DPYD: variants seen among roughly 807,000 people sequenced by gnomAD.
The protein encoded by DPYD is dihydropyrimidine dehydrogenase.
DPYD carries 109 observed loss-of-function variants against 116.2 expected under a neutral mutation model. That is an observed-to-expected ratio of 0.94 (90% CI 0.80 to 1.10). The LOEUF (loss-of-function observed/expected upper bound fraction) is 1.10, where lower values mean the gene tolerates loss of function less well. DPYD is among the 50% of genes least tolerant of loss of function. The pLI, the probability that DPYD is intolerant of heterozygous loss-of-function variation, is 0.00. For missense variants in DPYD, 1,302 were observed against 1,254.5 expected, an observed-to-expected ratio of 1.04 and a Z score of -0.57; for synonymous variants, 440 against 432.0, an observed-to-expected ratio of 1.02 and a Z score of -0.23.
intron 14 of DPYD, among the ~76,000 whole-genome samples, chr1:97,402,348 C>T (rs1337467299): frequency 1.3e-5 from 2 of 152,058 alleles, no homozygotes; most frequent in Non-Finnish European, 2.9e-5. Flanking sequence ...TTTTGATAGA[C>T]TTACACCTAA....
chr1:97,381,434 T>G (rs1327852366), intron 15 of DPYD, among the ~76,000 whole-genome samples: 1 of 152,194 alleles, frequency 6.6e-6, no homozygotes, highest in East Asian at 1.9e-4. Flanking sequence ...GCAAAGCTCA[T>G]GCCAAGCATG....
intron 14 of DPYD, among the ~76,000 whole-genome samples, chr1:97,385,141 C>T (rs1112314): frequency 0.19 from 29,098 of 151,524 alleles, 2,965 homozygotes; most frequent in South Asian, 0.37. Flanking sequence ...AGATGCTTTC[C>T]GCCCTTTCCA....
At chr1:97,738,765 A>G (rs1664100257) in intron 4 of DPYD, among the ~76,000 whole-genome samples, 1 of 151,974 alleles carries the variant, frequency 6.6e-6, no homozygotes, top group Non-Finnish European at 1.5e-5. Flanking sequence ...ATATTCATAT[A>G]AAAATCTTTT....
intron 18 of DPYD, among the ~76,000 whole-genome samples, chr1:97,286,250 C>T (rs971787017): frequency 2.6e-5 from 4 of 152,138 alleles, no homozygotes; most frequent in African/African-American, 7.2e-5. Context: ...TATTGGCCCC[C>T]ACTCTCTTCT....
chr1:97,799,360 C>T (rs915639132), intron 3 of DPYD, among the ~76,000 whole-genome samples: 3 of 151,870 alleles, frequency 2.0e-5, no homozygotes, highest in African/African-American at 7.3e-5. Context: ...AATGATGACC[C>T]TGATTTGTAT....
At chr1:97,863,147 T>C (rs1454939377) in intron 2 of DPYD, among the ~76,000 whole-genome samples, 1 of 151,922 alleles carries the variant, frequency 6.6e-6, no homozygotes, top group Non-Finnish European at 1.5e-5. Flanking sequence ...TGTGATATGG[T>C]ATGCATTGAG....
intron 10 of DPYD, among the ~76,000 whole-genome samples, chr1:97,579,010 C>T (rs1240234432): frequency 1.3e-5 from 2 of 152,128 alleles, no homozygotes; most frequent in Non-Finnish European, 2.9e-5. Flanking sequence ...CGATAGTAAA[C>T]TCGTTCTCAA....
intron 20 of DPYD, among the ~76,000 whole-genome samples, chr1:97,147,850 G>A (rs1440764845): frequency 6.6e-6 from 1 of 152,166 alleles, no homozygotes; most frequent in Non-Finnish European, 1.5e-5. Context: ...AGAATGGGTA[G>A]AATCAAGAGG....
intron 8 of DPYD, among the ~76,000 whole-genome samples, chr1:97,676,169 A>G (rs1031097843): frequency 1.3e-5 from 2 of 152,106 alleles, no homozygotes; most frequent in African/African-American, 4.8e-5. Flanking sequence ...GATGATGCAC[A>G]CCTGTAACAG....
intron 3 of DPYD, among the ~76,000 whole-genome samples, chr1:97,744,016 T>C (rs1472522740): frequency 6.6e-6 from 1 of 152,072 alleles, no homozygotes; most frequent in East Asian, 1.9e-4. Flanking sequence ...CATACACTTT[T>C]TAAATTTTCA....
intron 16 of DPYD, among the ~76,000 whole-genome samples, chr1:97,330,833 T>C (rs983117416): frequency 3.3e-5 from 5 of 152,164 alleles, no homozygotes; most frequent in Admixed American, 3.3e-4. Flanking sequence ...AGATTTTGAG[T>C]TGCTCAAAGT....
chr1:97,406,525 T>C (rs1673665763), intron 14 of DPYD, among the ~76,000 whole-genome samples: 1 of 151,730 alleles, frequency 6.6e-6, no homozygotes, highest in Non-Finnish European at 1.5e-5. Context: ...CTACATTAGG[T>C]ATTTCTCCTA....
intron 8 of DPYD, among the ~76,000 whole-genome samples, chr1:97,673,130 C>G (rs1251641710): frequency 6.6e-6 from 1 of 151,784 alleles, no homozygotes; most frequent in Non-Finnish European, 1.5e-5. Context: ...CTTTATAAAA[C>G]TCACTTTCCA....
At chr1:97,687,173 G>A (rs1317569603) in intron 7 of DPYD, among the ~76,000 whole-genome samples, 5 of 151,830 alleles carry the variant, frequency 3.3e-5, no homozygotes, top group South Asian at 2.1e-4. Context: ...TGGGACACTC[G>A]GGCAGGAAAA....
chr1:97,846,820 T>A (rs1670324110), intron 2 of DPYD, among the ~76,000 whole-genome samples: 1 of 152,232 alleles, frequency 6.6e-6, no homozygotes, highest in Admixed American at 6.5e-5. Context: ...TTTTAATGAC[T>A]ATTATTTGTT....
chr1:97,104,906 C>G (rs1319954661), intron 20 of DPYD, among the ~76,000 whole-genome samples: 1 of 152,066 alleles, frequency 6.6e-6, no homozygotes, highest in Non-Finnish European at 1.5e-5. Context: ...GGAATGCCAG[C>G]AAAGGATGAT....
chr1:97,896,152 C>T (rs1558038574), intron 1 of DPYD, among the ~76,000 whole-genome samples: 3 of 151,668 alleles, frequency 2.0e-5, no homozygotes, highest in Admixed American at 1.3e-4. Flanking sequence ...TTTGATTTCA[C>T]GTCCTATTTA....
At chr1:97,102,417 A>ATATATATATATATATATATATATG (rs1442061038) in intron 20 of DPYD, among the ~76,000 whole-genome samples, 5 of 142,884 alleles carry the variant, frequency 3.5e-5, no homozygotes, top group Admixed American at 7.2e-5. Flanking sequence ...ATATATATAT[A>ATATATATATATATATATATATATG]TATGTATATA....
intron 2 of DPYD, among the ~76,000 whole-genome samples, chr1:97,845,140 C>T (rs902298105): frequency 6.6e-6 from 1 of 152,174 alleles, no homozygotes; most frequent in African/African-American, 2.4e-5. Context: ...CAGCCTCAAG[C>T]ATGGAAAGGG....
Sources: gnomAD v4.1 joint callset for allele counts (sites outside exome capture counted in the v4.1 genomes callset) on GRCh38, gnomAD v4.1.1 for gene constraint, MANE v1.5 for transcripts, NCBI Gene and HGNC (gene_info 2026-07-23, HGNC 2026-07-21) for gene names.